Variants in LINGO2 observed in about 807,000 individuals in gnomAD.
LINGO2 encodes leucine rich repeat and Ig domain containing 2, also known as leucine-rich repeat and immunoglobulin-like domain-containing nogo receptor-interacting protein 2.
LINGO2 carries 14 observed loss-of-function variants against 30.6 expected under a neutral mutation model. That is an observed-to-expected ratio of 0.46 (90% CI 0.30 to 0.72). The LOEUF is 0.72. LINGO2 is among the 30% of genes least tolerant of loss of function. The pLI, the probability that LINGO2 is intolerant of heterozygous loss-of-function variation, is 0.07. For missense variants in LINGO2, 729 were observed against 751.7 expected (o/e 0.97, Z 0.35); for synonymous variants, 317 against 288.5 (o/e 1.10, Z -1.00).
the LINGO2 span, among the ~76,000 whole-genome samples, chr9:28,818,984 AG>A: frequency 1.3e-5 from 2 of 152,234 alleles, no homozygotes; most frequent in African/African-American, 4.8e-5. Context: ...ACAGTTGCTA[AG>A]CACATAAATA....
the LINGO2 span, among the ~76,000 whole-genome samples, chr9:28,692,436 G>A: frequency 1.3e-5 from 2 of 152,014 alleles, no homozygotes; most frequent in African/African-American, 4.8e-5. Flanking sequence ...GATCGTGCCA[G>A]TTCACTTAAG....
chr9:28,840,814 G>T, the LINGO2 span, among the ~76,000 whole-genome samples: 5 of 151,840 alleles, frequency 3.3e-5, no homozygotes, highest in Non-Finnish European at 2.9e-5. Flanking sequence ...GTGGTGTGAG[G>T]TCTCCAGAAG....
At chr9:28,638,787 T>C (rs958518837) in intron 1 of LINGO2, among the ~76,000 whole-genome samples, 1 of 152,158 alleles carries the variant, frequency 6.6e-6, no homozygotes, top group Non-Finnish European at 1.5e-5. Flanking sequence ...GATTCATTGA[T>C]TTTTTGAAGG....
intron 1 of LINGO2, among the ~76,000 whole-genome samples, chr9:28,519,520 C>T (rs1820752084): frequency 6.6e-6 from 1 of 152,174 alleles, no homozygotes; most frequent in Non-Finnish European, 1.5e-5. Context: ...CTCTGCTCAA[C>T]AAATCATTCC....
the LINGO2 span, among the ~76,000 whole-genome samples, chr9:29,087,970 T>G: frequency 6.6e-6 from 1 of 152,164 alleles, no homozygotes; most frequent in Non-Finnish European, 1.5e-5. Context: ...TGGCACATGT[T>G]GAGTACTCAA....
At chr9:27,956,737 G>A (rs894762943) in intron 5 of LINGO2, among the ~76,000 whole-genome samples, 13 of 152,072 alleles carry the variant, frequency 8.5e-5, no homozygotes, top group Admixed American at 2.6e-4. Context: ...ATGAAGTAGG[G>A]AAGATGATTT....
At chr9:29,160,521 T>G in the LINGO2 span, among the ~76,000 whole-genome samples, 1 of 152,326 alleles carries the variant, frequency 6.6e-6, no homozygotes, top group Admixed American at 6.5e-5. Context: ...CTCATAGTAT[T>G]AGAGTATTAG....
At chr9:28,273,024 T>C (rs1822995563) in intron 4 of LINGO2, among the ~76,000 whole-genome samples, 1 of 152,184 alleles carries the variant, frequency 6.6e-6, no homozygotes, top group Non-Finnish European at 1.5e-5. Flanking sequence ...TGACCTTATG[T>C]ATTTTTTAGT....
intron 2 of LINGO2, among the ~76,000 whole-genome samples, chr9:28,457,450 T>A (rs189327108): frequency 1.3e-5 from 2 of 152,214 alleles, no homozygotes; most frequent in East Asian, 3.9e-4. Flanking sequence ...GGTCTCACTT[T>A]GTCACCCAGG....
intron 4 of LINGO2, among the ~76,000 whole-genome samples, chr9:28,042,567 A>G (rs956027417): frequency 3.9e-5 from 6 of 152,170 alleles, no homozygotes; most frequent in African/African-American, 9.7e-5. Flanking sequence ...TCTTATTAGC[A>G]TGTCTAGGAT....
intron 1 of LINGO2, among the ~76,000 whole-genome samples, chr9:28,631,712 C>A (rs1826952532): frequency 6.6e-6 from 1 of 151,966 alleles, no homozygotes; most frequent in Admixed American, 6.6e-5. Flanking sequence ...TTGCTGTCTC[C>A]CCAAGTGCCG....
At chr9:28,981,094 C>T in the LINGO2 span, among the ~76,000 whole-genome samples, 12 of 152,138 alleles carry the variant, frequency 7.9e-5, no homozygotes, top group African/African-American at 2.2e-4. Flanking sequence ...AGCAAATGAC[C>T]GAACTAAAGG....
At chr9:28,824,238 G>A in the LINGO2 span, among the ~76,000 whole-genome samples, 1 of 152,160 alleles carries the variant, frequency 6.6e-6, no homozygotes. Context: ...CTAGCTTGAA[G>A]GAAGTGGATT....
intron 5 of LINGO2, among the ~76,000 whole-genome samples, chr9:27,973,581 G>T (rs1820453961): frequency 6.6e-6 from 1 of 152,200 alleles, no homozygotes; most frequent in Non-Finnish European, 1.5e-5. Context: ...GAAAGGAAAA[G>T]AAGCCAACGT....
chr9:28,906,022 C>T, the LINGO2 span, among the ~76,000 whole-genome samples: 1 of 151,970 alleles, frequency 6.6e-6, no homozygotes, highest in Non-Finnish European at 1.5e-5. Context: ...ACAGTTGAAC[C>T]TGACAGTATG....
rs536529763 is a variant in LINGO2 at position 28,401,711 on chromosome 9, A to C, written c.-278-28843T>G. Reference sequence around the variant, plus strand: ...TTCTAGGTCCTTGAGGAATTGCCATACTGTCTTCCACAATGGTTGAACTAA... The same window carrying C: ...TTCTAGGTCCTTGAGGAATTGCCATCCTGTCTTCCACAATGGTTGAACTAA... On this transcript the variant is annotated intron_variant, in intron 2 of 5. Coordinates refer to ENST00000379992, the Ensembl canonical transcript of LINGO2. Among the ~76,000 whole-genome samples the C allele has an allele frequency of 5.9e-5, 9 of 152,332 alleles. No homozygotes were observed. In the South Asian group the frequency reaches 1.9e-3, roughly 32 times the overall value.
intron 4 of LINGO2, among the ~76,000 whole-genome samples, chr9:28,084,154 C>T (rs2133231264): frequency 6.6e-6 from 1 of 152,164 alleles, no homozygotes; most frequent in East Asian, 1.9e-4. Flanking sequence ...GCCCTCAGAG[C>T]ATATTTATAC....
chr9:29,003,349 C>T, the LINGO2 span, among the ~76,000 whole-genome samples: 21 of 152,040 alleles, frequency 1.4e-4, no homozygotes, highest in Admixed American at 1.3e-3. Context: ...CTGTATGGTT[C>T]TGTAGTATGT....
intron 4 of LINGO2, among the ~76,000 whole-genome samples, chr9:28,230,400 T>C (rs1023399646): frequency 6.6e-6 from 1 of 151,876 alleles, no homozygotes; most frequent in African/African-American, 2.4e-5. Context: ...CATGAAACTA[T>C]GATATCAGGT....
Sources: gnomAD v4.1 joint callset for allele counts (sites outside exome capture counted in the v4.1 genomes callset) on GRCh38, gnomAD v4.1.1 for gene constraint, MANE v1.5 for transcripts, NCBI Gene and HGNC (gene_info 2026-07-23, HGNC 2026-07-21) for gene names.